The following LAMA1 variants were observed in gnomAD, a reference collection of about 807,000 sequenced individuals.
LAMA1 encodes the protein laminin subunit alpha 1, also known as laminin subunit alpha-1.
A neutral mutation model predicts 348.7 loss-of-function variants in LAMA1; 219 were observed. The observed-to-expected ratio is 0.63, with a 90% CI of 0.56 to 0.70. The LOEUF is 0.70. Among genes scored for constraint, LAMA1 ranks in the 30% least tolerant of loss-of-function variants. LAMA1 has a pLI of 0.00. For synonymous variants in LAMA1, 1,487 were observed against 1,491.0 expected, an observed-to-expected ratio of 1.00 and a Z score of 0.06; for missense variants, 3,744 against 3,888.0, an observed-to-expected ratio of 0.96 and a Z score of 0.99.
rs566655 is a variant in LAMA1, at chr18:7,034,509, T to G, written c.2021A>C (p.Asn674Thr). Reference protein sequence around the residue: ...ANVTHLLIRANYNSAKMALYR... With the variant: ...ANVTHLLIRATYNSAKMALYR... Reference sequence around the variant, plus strand: ...AAGAGCCATTTTTGCAGAATTGTAGTTGGCTCTGATCAAAAGATGTGTCAC... The same window carrying G: ...AAGAGCCATTTTTGCAGAATTGTAGGTGGCTCTGATCAAAAGATGTGTCAC... The change falls in exon 14 of 63, where the codon AAC becomes ACC. Residue 674 changes from asparagine to threonine, a missense_variant. Around this residue, in one of 3 missense-constraint regions of LAMA1, gnomAD observed 1,529 missense variants for 1,689.4 expected, o/e 0.91. Coordinates refer to ENST00000389658, the MANE Select transcript of LAMA1 (RefSeq NM_005559.4). 0.21 allele frequency: 343,833 copies of G among 1,613,588 alleles called. 38,064 individuals carry two copies. Among genetic ancestry groups the G allele is most frequent in the Middle Eastern group, 0.3 (1,848 of 6,062 alleles).
chr18:7,023,375 T>A lies in LAMA1; in HGVS notation c.2490A>T (p.Arg830Ser). ...APGYSGAWCE[R>S]CADGYYGNPT... ...GGTTTCCATAGTAACCATCTGCACA[T>A]CTGTATCAAAGATTGAAAGTGGGAT... is the stretch of plus-strand genomic sequence containing the variant. The change falls in exon 19 of 63, where the codon AGA becomes AGT. Residue 830 changes from arginine (R) to serine (S), a missense_variant and splice_region_variant. Around this residue, in one of 3 missense-constraint regions of LAMA1, gnomAD observed 1,529 missense variants for 1,689.4 expected, o/e 0.91. Transcript: ENST00000389658. 6.2e-7 allele frequency: 1 copy of A among 1,613,674 alleles called. No individual in the cohort carries two copies. Among genetic ancestry groups the A allele is most frequent in the Non-Finnish European group, 8.5e-7 (1 of 1,179,616 alleles).
At chr18:6,964,543 T>G in intron 51 of LAMA1, 119 bp downstream of exon 51, 1 of 1,253,994 alleles carries the variant, frequency 8.0e-7, no homozygotes, top group Non-Finnish European at 1.2e-6. Flanking sequence ...CCTCTAGAAC[T>G]GGGAAAGAAT....
At chr18:7,017,051 C>T (rs527336431) in intron 20 of LAMA1, among the ~76,000 whole-genome samples, 1 of 152,174 alleles carries the variant, frequency 6.6e-6, no homozygotes, top group Non-Finnish European at 1.5e-5. Context: ...AAAGAAGGTG[C>T]CTGCTTCCCC....
At position 7,036,058 on chromosome 18, in the gene LAMA1, T is replaced by C. The variant is rs2057993345; in HGVS notation, c.1768A>G (p.Thr590Ala). 6.2e-7 allele frequency: 1 copy of C among 1,614,038 alleles called. No individual in the cohort carries two copies. Among genetic ancestry groups the C allele is most frequent in the Admixed American group, 1.7e-5 (1 of 60,000 alleles). ...TCTACCGGAATATCGTAGGACACCG[T>C]GTATTTCAGGAATCCGCCAAACGCA... ...LTAFGGFLKY[T>A]VSYDIPVETV... The change falls in exon 13 of 63, where the codon ACG becomes GCG. Residue 590 changes from threonine (T) to alanine (A), a missense_variant. Thr to Ala is a moderately conservative substitution (Grantham distance 58). Coordinates refer to ENST00000389658, the MANE Select transcript of LAMA1 (RefSeq NM_005559.4).
At chr18:7,089,855 AGGTTCAG>A (rs1247363360) in intron 1 of LAMA1, among the ~76,000 whole-genome samples, 1 of 152,216 alleles carries the variant, frequency 6.6e-6, no homozygotes, top group Non-Finnish European at 1.5e-5. Flanking sequence ...CATCCCCAAC[AGGTTCAG>A]GGGGGCTGTT....
chr18:7,092,953 A>T (rs1438809319), intron 1 of LAMA1, among the ~76,000 whole-genome samples: 1 of 152,184 alleles, frequency 6.6e-6, no homozygotes, highest in Non-Finnish European at 1.5e-5. Context: ...GTGCAATCGC[A>T]TGGGGAAAAC....
At chr18:7,050,025 C>T (rs1211702531) in intron 4 of LAMA1, among the ~76,000 whole-genome samples, 1 of 152,178 alleles carries the variant, frequency 6.6e-6, no homozygotes, top group Admixed American at 6.5e-5. Context: ...GCATCTGTCC[C>T]TGGGCTACAA....
intron 5 of LAMA1, among the ~76,000 whole-genome samples, chr18:7,047,991 T>C (rs2058048632): frequency 1.3e-5 from 2 of 152,122 alleles, no homozygotes; most frequent in African/African-American, 2.4e-5. Context: ...TTTGAGGTCA[T>C]AGAAAGCATT....
At position 6,993,683 on chromosome 18, in the gene LAMA1, C is replaced by A. The variant is rs532060695; in HGVS notation, c.4966G>T (p.Asp1656Tyr). 40 of 1,614,096 alleles carry A rather than the reference C, an allele frequency of 2.5e-5. No individual in the cohort carries two copies. The highest frequency in any genetic ancestry group is 2.2e-4 in the East Asian group (10 of 44,880). ...AGCCTCTCAATGGCTATGGCCAGGT[C>A]TTGACTCTCCTTGAAGATTCTCTCA... ...ATERIFKESQ[D>Y]LAIAIERLQM... The change falls in exon 35 of 63, where the codon GAC becomes TAC. Residue 1656 changes from aspartate to tyrosine, a missense_variant. Coordinates refer to ENST00000389658, the MANE Select transcript of LAMA1 (RefSeq NM_005559.4).
chr18:7,001,656 C>T (rs28716285), intron 30 of LAMA1, among the ~76,000 whole-genome samples: 2,379 of 152,176 alleles, frequency 0.016, 66 homozygotes, highest in African/African-American at 0.054. Context: ...CAATACCTTG[C>T]CAAATATTCT....
Position 6,992,615 on chromosome 18 carries a change from A to G in LAMA1, c.5114T>C (p.Ile1705Thr). 6.2e-7 allele frequency: 1 copy of G among 1,614,130 alleles called. No individual in the cohort carries two copies. The highest frequency in any genetic ancestry group is 8.5e-7 in the Non-Finnish European group (1 of 1,179,994). Reference protein sequence around the residue: ...MQQNGTSLLEIMQIRDFTQLH... With the variant: ...MQQNGTSLLETMQIRDFTQLH... ...CTGTGTGAAGTCTCTTATCTGCATGATTTCTAGCAAAGATGTACCATTCTG... is the reference window on the plus strand; with the variant it reads ...CTGTGTGAAGTCTCTTATCTGCATGGTTTCTAGCAAAGATGTACCATTCTG... Residue 1705 changes from isoleucine to threonine, a missense_variant, in exon 36 of 63, where the codon ATC becomes ACC. Ile to Thr is a moderately conservative substitution (Grantham distance 89). Transcript: ENST00000389658.
In LAMA1 at chr18:7,011,316, T is replaced by C. The variant is rs765159246; in HGVS notation, c.3671A>G (p.Gln1224Arg). 1.2e-6 allele frequency: 2 copies of C among 1,609,664 alleles called. No homozygotes were observed. The highest frequency in any genetic ancestry group is 1.7e-6 in the Non-Finnish European group (2 of 1,178,752). Residue 1224 changes from glutamine to arginine, a missense_variant, in exon 25 of 63, where the codon CAG becomes CGG. Gln to Arg is a conservative substitution (Grantham distance 43). This residue lies in a region of LAMA1 where 1,529 missense variants were observed against 1,689.4 expected (regional missense o/e 0.91). Coordinates refer to ENST00000389658, the MANE Select transcript of LAMA1 (RefSeq NM_005559.4). ...AEPFYWRLPQ[Q>R]FQGDQLMAYG... ...GCACCTCACCTGGTCTCCTTGGAACTGCTGCGGCAGCCGCCAGTAAAACGG... is the reference window on the plus strand; with the variant it reads ...GCACCTCACCTGGTCTCCTTGGAACCGCTGCGGCAGCCGCCAGTAAAACGG...
At position 7,023,306 on chromosome 18, in the gene LAMA1, G is replaced by A; in HGVS notation, c.2559C>T (p.Gly853=). 1.2e-6 allele frequency: 2 copies of A among 1,614,180 alleles called. No individual in the cohort carries two copies. Among genetic ancestry groups the A allele is most frequent in the African/African-American group, 2.7e-5 (2 of 75,056 alleles). The change falls in exon 19 of 63, where the codon GGC becomes GGT. Residue 853 remains glycine (G), a synonymous_variant. Transcript: ENST00000389658. The part of the protein sequence containing the change: ...GESCVPCDCS[G]NVDPSEAGHC... ...GACCAGCCTCCGAGGGGTCCACGTT[G>A]CCGCTGCAGTCACAGGGAACACAAG...
chr18:7,058,034 C>G (rs1045748336), intron 3 of LAMA1, among the ~76,000 whole-genome samples: 5 of 151,776 alleles, frequency 3.3e-5, no homozygotes, highest in African/African-American at 4.8e-5. Flanking sequence ...GAACTCCTGA[C>G]CTTGTGATCC....
At chr18:7,018,884 A>T (rs1470872587) in intron 19 of LAMA1, among the ~76,000 whole-genome samples, 1 of 152,132 alleles carries the variant, frequency 6.6e-6, no homozygotes, top group East Asian at 1.9e-4. Flanking sequence ...ACGTGCTGGG[A>T]TCCGCCTCCT....
intron 29 of LAMA1, among the ~76,000 whole-genome samples, chr18:7,006,014 C>G (rs12960974): frequency 0.07 from 10,707 of 152,118 alleles, 587 homozygotes; most frequent in African/African-American, 0.15. Flanking sequence ...TCGGGTGTGT[C>G]CTTGGTGGGC....
chr18:7,042,543 G>T (rs962685331), intron 8 of LAMA1: 26 of 371,908 alleles, frequency 7.0e-5, no homozygotes, highest in Middle Eastern at 8.9e-4. Flanking sequence ...TTATAACCAG[G>T]ACACCACAAG....
chr18:6,959,270 C>T, intron 54 of LAMA1, 71 bp downstream of exon 54: 1 of 1,608,094 alleles, frequency 6.2e-7, no homozygotes, highest in Non-Finnish European at 8.5e-7. Flanking sequence ...GGCACCACCG[C>T]AAGGTTCCTC....
In LAMA1 at chr18:6,961,941, C is replaced by A. The variant is rs769929445; in HGVS notation, c.7452+4G>T. On this transcript the variant is annotated splice_donor_region_variant and intron_variant, in intron 52 of 62. Coordinates refer to ENST00000389658, the MANE Select transcript of LAMA1 (RefSeq NM_005559.4). ...ATTTGAACATTAATAACAATGTTTC[C>A]TACCTCCAGTAAACAGCCTTTTCTC... is the stretch of plus-strand genomic sequence containing the variant. The A allele has an allele frequency of 6.2e-7, 1 of 1,609,720 alleles. No homozygotes were observed. The highest frequency in any genetic ancestry group is 1.3e-5 in the African/African-American group (1 of 74,952).
Sources: gnomAD v4.1 joint callset for allele counts (sites outside exome capture counted in the v4.1 genomes callset) on GRCh38, gnomAD v4.1.1 for gene constraint, gnomAD v4.1.1 regional missense constraint, MANE v1.5 for transcripts, NCBI Gene and HGNC (gene_info 2026-07-23, HGNC 2026-07-21) for gene names.